Variants in ABLIM1 observed in about 807,000 individuals in gnomAD.
The protein encoded by ABLIM1 is actin-binding LIM protein 1.
ABLIM1 carries 40 observed loss-of-function variants against 107.0 expected under a neutral mutation model. The ratio of observed to expected loss-of-function variants is 0.37; its 90% CI spans 0.29 to 0.49. The LOEUF (loss-of-function observed/expected upper bound fraction) is 0.49. Ranked by LOEUF, ABLIM1 falls within the 20% of genes least tolerant of loss-of-function variation. The pLI is 0.97. For missense variants in ABLIM1, 857 were observed against 1,008.5 expected (o/e 0.85, Z 2.04); for synonymous variants, 357 against 357.3 (o/e 1.00, Z 0.01).
In ABLIM1 at chr10:114,619,203, C is replaced by CT. The variant is rs201796705; in HGVS notation, c.245-17243dup. 0.04 allele frequency among the ~76,000 whole-genome samples: 5,534 copies of CT among 139,354 alleles called. 191 individuals carry two copies. Among genetic ancestry groups the CT allele is most frequent in the African/African-American group, 0.093 (3,547 of 38,260 alleles). The allele number at this position is 139,354 out of a possible 152,430, so 91.4% of individuals were successfully genotyped here. A position where few individuals can be genotyped will look rare whatever the true frequency, so the allele number is the denominator to read the frequency against. On this transcript the variant is annotated intron_variant, in intron 1 of 22. Coordinates refer to ENST00000533213, the MANE Select transcript of ABLIM1 (RefSeq NM_002313.7). The surrounding 1 kb of genome is among the most constrained non-coding windows in gnomAD (Gnocchi z 4.1). The stretch of plus-strand genomic sequence containing the variant: ...TTTTTTCTTTCTCTTTCTTTCTTTT[C>CT]TTTTTTTTTTTGAGACAGTGTCTTG...
intron 1 of ABLIM1, among the ~76,000 whole-genome samples, chr10:114,722,348 G>A (rs938450071): frequency 3.3e-5 from 5 of 152,108 alleles, no homozygotes; most frequent in East Asian, 1.9e-4. Flanking sequence ...ACCAGATCTC[G>A]TGAGAACTCA....
chr10:114,726,735 A>G (rs1300970504), intron 1 of ABLIM1, among the ~76,000 whole-genome samples: 2 of 152,072 alleles, frequency 1.3e-5, no homozygotes, highest in Non-Finnish European at 2.9e-5. Flanking sequence ...GAGTGGAGAT[A>G]GCACCACTGC....
intron 6 of ABLIM1, among the ~76,000 whole-genome samples, chr10:114,521,132 G>A (rs1187071189): frequency 2.0e-5 from 3 of 152,270 alleles, no homozygotes; most frequent in Admixed American, 6.5e-5. Context: ...GAGGAGGTGA[G>A]GTCTTAGGTT....
chr10:114,464,772 G>C (rs2064784711), intron 12 of ABLIM1, among the ~76,000 whole-genome samples: 1 of 152,074 alleles, frequency 6.6e-6, no homozygotes, highest in African/African-American at 2.4e-5. Flanking sequence ...TTCATTTCTT[G>C]TACAATTTAT....
chr10:114,544,455 T>TA (rs2067067407), intron 6 of ABLIM1, among the ~76,000 whole-genome samples: 1 of 152,198 alleles, frequency 6.6e-6, no homozygotes, highest in East Asian at 1.9e-4. Flanking sequence ...GCTCCCTAGC[T>TA]GGAGGCGGTT....
At chr10:114,550,376 T>G (rs2067908616) in intron 4 of ABLIM1, among the ~76,000 whole-genome samples, 1 of 58,668 alleles carries the variant, frequency 1.7e-5, no homozygotes, top group South Asian at 4.1e-4. Context: ...AGAAAACTGA[T>G]AGTTTTTTTT....
intron 6 of ABLIM1, among the ~76,000 whole-genome samples, chr10:114,497,803 G>A (rs979748731): frequency 3.3e-5 from 5 of 151,768 alleles, no homozygotes; most frequent in Admixed American, 3.3e-4. Context: ...CTGACAATTT[G>A]CTTATTTAGG....
In ABLIM1 at chr10:114,579,663, T is replaced by C. The variant is rs997301744; in HGVS notation, c.380-4064A>G. Among the ~76,000 whole-genome samples, 20 of 152,234 alleles carry C rather than the reference T, an allele frequency of 1.3e-4. 1 individual carries two copies. Among genetic ancestry groups the C allele is most frequent in the African/African-American group, 4.6e-4 (19 of 41,456 alleles). ...GTCAGTGGCATTAGATACATTCACATTGTTGTGCAACCATCACTGCTATCC... is the reference window on the plus strand; with the variant it reads ...GTCAGTGGCATTAGATACATTCACACTGTTGTGCAACCATCACTGCTATCC... On this transcript the variant is annotated intron_variant, in intron 2 of 22. Coordinates refer to ENST00000533213, the MANE Select transcript of ABLIM1 (RefSeq NM_002313.7).
At chr10:114,713,812 G>A (rs2081603958) in intron 1 of ABLIM1, among the ~76,000 whole-genome samples, 1 of 152,162 alleles carries the variant, frequency 6.6e-6, no homozygotes, top group African/African-American at 2.4e-5. Context: ...GCAAACAATA[G>A]TAAGAGCTAA....
chr10:114,729,622 C>T (rs574068567), intron 1 of ABLIM1, among the ~76,000 whole-genome samples: 10 of 152,160 alleles, frequency 6.6e-5, no homozygotes, highest in African/African-American at 2.2e-4. Flanking sequence ...GGACACAAAT[C>T]CAAGGTGTTT....
intron 10 of ABLIM1, among the ~76,000 whole-genome samples, chr10:114,468,478 G>A (rs566059364): frequency 1.4e-4 from 22 of 152,118 alleles, no homozygotes; most frequent in South Asian, 1.0e-3. Context: ...GTTTCACTGC[G>A]TTAGTCAGGA....
At chr10:114,705,911 C>A (rs1027140904) in intron 1 of ABLIM1, among the ~76,000 whole-genome samples, 5 of 152,166 alleles carry the variant, frequency 3.3e-5, no homozygotes, top group African/African-American at 1.2e-4. Context: ...CTTGTTAATA[C>A]ATTTCACCAG....
At chr10:114,492,638 A>T (rs2059155092) in intron 6 of ABLIM1, among the ~76,000 whole-genome samples, 1 of 152,244 alleles carries the variant, frequency 6.6e-6, no homozygotes, top group South Asian at 2.1e-4. Context: ...CTTGACAAGA[A>T]CAAATCCTTT....
intron 10 of ABLIM1, 45 bp from the exon 11 acceptor site, chr10:114,468,261 CTT>C (rs1213988649): frequency 6.3e-7 from 1 of 1,583,526 alleles, no homozygotes; most frequent in Non-Finnish European, 8.7e-7. Context: ...TTTGTTAACT[CTT>C]TGCCGTTTTG....
At chr10:114,487,922 A>C in intron 8 of ABLIM1, 36 bp downstream of exon 8, 2 of 1,611,418 alleles carry the variant, frequency 1.2e-6, no homozygotes, top group African/African-American at 2.7e-5. Context: ...ATGGCCTACA[A>C]ATGCAGCTGG....
rs745401770 is a variant in ABLIM1, at chr10:114,632,542, T to C, written c.244+25415A>G. ...AATGGCAATTTCAAGTTCACTTTCT[T>C]ATGAAAAATGAATAATGACATTTGG... On this transcript the variant is annotated intron_variant, in intron 1 of 22. Transcript: ENST00000533213. The C allele has an allele frequency of 2.2e-4, 214 of 985,262 alleles. 2 individuals are homozygous for C. The highest frequency in any genetic ancestry group is 2.5e-4 in the Admixed American group (4 of 16,266). The allele number at this position is 985,262 out of a possible 1,614,324, so 61.0% of individuals were successfully genotyped here. A position where few individuals can be genotyped will look rare whatever the true frequency, so the allele number is the denominator to read the frequency against.
At chr10:114,601,996 G>C (rs746713340) in intron 1 of ABLIM1, 35 bp from the exon 2 acceptor site, 25 of 1,610,906 alleles carry the variant, frequency 1.6e-5, no homozygotes, top group Non-Finnish European at 2.0e-5. Flanking sequence ...CAGGTGAGTA[G>C]AGAGCATTCC....
chr10:114,605,867 C>T (rs1471229904), intron 1 of ABLIM1, among the ~76,000 whole-genome samples: 1 of 152,118 alleles, frequency 6.6e-6, no homozygotes, highest in Non-Finnish European at 1.5e-5. Flanking sequence ...GCAGATCAGC[C>T]ATGTCTCTGA....
In ABLIM1 at chr10:114,440,072, TG is replaced by T. The variant is rs747339718; in HGVS notation, c.2067+9del. 20 of 1,613,656 alleles carry T rather than the reference TG, an allele frequency of 1.2e-5. No individual in the cohort carries two copies. In the South Asian group the frequency reaches 2.2e-4, roughly 18 times the overall value. ...TGTGGCCAATTCAAGAAAGACAAAGTGTTCCATACCTGGTAATCTGAAAAGG... is the reference window on the plus strand; with the variant it reads ...TGTGGCCAATTCAAGAAAGACAAAGTTTCCATACCTGGTAATCTGAAAAGG... On this transcript the variant is annotated intron_variant, in intron 20 of 22. Coordinates refer to ENST00000533213, the MANE Select transcript of ABLIM1 (RefSeq NM_002313.7).
Sources: gnomAD v4.1 joint callset for allele counts (sites outside exome capture counted in the v4.1 genomes callset) on GRCh38, gnomAD v4.1.1 for gene constraint, Gnocchi (gnomAD v3.1) non-coding constraint, MANE v1.5 for transcripts, NCBI Gene and HGNC (gene_info 2026-07-23, HGNC 2026-07-21) for gene names.